ZNF521: variants seen among roughly 807,000 people sequenced by gnomAD.
The protein encoded by ZNF521 is LYST-interacting protein 3.
Under a neutral mutation model 105.5 loss-of-function variants are expected in ZNF521, and 14 were observed. The ratio of observed to expected loss-of-function variants is 0.13; its 90% confidence interval spans 0.09 to 0.21. ZNF521 has a LOEUF of 0.21. Ranked by LOEUF, ZNF521 falls within the 10% of genes least tolerant of loss-of-function variation. ZNF521 has a pLI of 1.00. For missense variants in ZNF521, 1,233 were observed against 1,629.7 expected (o/e 0.76, Z 4.19); for synonymous variants, 635 against 606.0 (o/e 1.05, Z -0.70).
intron 3 of ZNF521, among the ~76,000 whole-genome samples, chr18:25,233,201 T>G (rs1025321318): frequency 8.5e-5 from 13 of 152,150 alleles, no homozygotes; most frequent in Non-Finnish European, 1.3e-4. Flanking sequence ...TTTAAAGCAA[T>G]GATTTAAATT....
chr18:25,228,996 T>C (rs573960240), intron 3 of ZNF521, among the ~76,000 whole-genome samples: 3 of 152,298 alleles, frequency 2.0e-5, no homozygotes, highest in Admixed American at 2.0e-4. Context: ...GTGGGGATAG[T>C]GTTTCAGTTA....
chr18:25,220,015 G>C (rs868388504), intron 4 of ZNF521, among the ~76,000 whole-genome samples: 7 of 152,130 alleles, frequency 4.6e-5, no homozygotes, highest in Non-Finnish European at 8.8e-5. Context: ...TTTGGAGAGC[G>C]GTCAGTAAAA....
At chr18:25,135,745 G>C (rs1462527939) in intron 5 of ZNF521, among the ~76,000 whole-genome samples, 1 of 152,148 alleles carries the variant, frequency 6.6e-6, no homozygotes, top group Non-Finnish European at 1.5e-5. Context: ...CAGGAAAGGT[G>C]TAGGGAAATT....
chr18:25,176,841 G>A (rs2035543042), intron 5 of ZNF521, among the ~76,000 whole-genome samples: 1 of 152,216 alleles, frequency 6.6e-6, no homozygotes, highest in Non-Finnish European at 1.5e-5. Flanking sequence ...ACTCACACAT[G>A]CTCACCAGCA....
chr18:25,278,995 C>T (rs1277796723), intron 3 of ZNF521, among the ~76,000 whole-genome samples: 1 of 152,092 alleles, frequency 6.6e-6, no homozygotes, highest in East Asian at 1.9e-4. Context: ...TGTGGAGAAA[C>T]TGGTGGGGGA....
intron 3 of ZNF521, among the ~76,000 whole-genome samples, chr18:25,306,071 C>T (rs1240473467): frequency 6.6e-6 from 1 of 152,168 alleles, no homozygotes; most frequent in Admixed American, 6.5e-5. Flanking sequence ...CAGCCATTTG[C>T]CAGAACCCAC....
chr18:25,122,013 A>T (rs56077575), intron 5 of ZNF521, among the ~76,000 whole-genome samples: 39,862 of 152,140 alleles, frequency 0.26, 6,356 homozygotes, highest in Non-Finnish European at 0.35. Context: ...CAGAAATGAC[A>T]CATGATAAAA....
chr18:25,313,671 A>C (rs1912447035), intron 3 of ZNF521, among the ~76,000 whole-genome samples: 1 of 152,194 alleles, frequency 6.6e-6, no homozygotes. Flanking sequence ...ATAACATAAA[A>C]TTATTTTTAA....
At chr18:25,112,869 T>C (rs1371701244) in intron 5 of ZNF521, among the ~76,000 whole-genome samples, 8 of 152,150 alleles carry the variant, frequency 5.3e-5, no homozygotes, top group Non-Finnish European at 1.2e-4. Flanking sequence ...TAAGTCTGCA[T>C]GCCGTAGATT....
chr18:25,190,129 A>G (rs1391969742), intron 5 of ZNF521, among the ~76,000 whole-genome samples: 3 of 152,162 alleles, frequency 2.0e-5, no homozygotes, highest in African/African-American at 4.8e-5. Context: ...TGTTACCATT[A>G]AACTGCCCAG....
intron 5 of ZNF521, among the ~76,000 whole-genome samples, chr18:25,099,400 A>G (rs1331739503): frequency 2.0e-5 from 3 of 152,334 alleles, no homozygotes; most frequent in Admixed American, 1.3e-4. Flanking sequence ...TCCCAAAATA[A>G]GATGAAAATA....
chr18:25,283,931 C>A (rs571560104), intron 3 of ZNF521, among the ~76,000 whole-genome samples: 34 of 142,854 alleles, frequency 2.4e-4, no homozygotes, highest in South Asian at 5.0e-4. Flanking sequence ...TTCCCCCCCC[C>A]CCAAAAAAAT....
intron 5 of ZNF521, among the ~76,000 whole-genome samples, chr18:25,116,988 C>A: frequency 7.0e-6 from 1 of 142,400 alleles, no homozygotes; most frequent in East Asian, 2.0e-4. Context: ...TATATATACA[C>A]ACACACATAT....
chr18:25,325,646 G>A (rs1032428990), intron 2 of ZNF521, among the ~76,000 whole-genome samples: 4 of 152,004 alleles, frequency 2.6e-5, no homozygotes, highest in South Asian at 2.1e-4. Context: ...ATGATGCTGC[G>A]CAAACATGTT....
intron 3 of ZNF521, among the ~76,000 whole-genome samples, chr18:25,280,901 G>C (rs1469154284): frequency 6.6e-6 from 1 of 151,916 alleles, no homozygotes; most frequent in Non-Finnish European, 1.5e-5. Context: ...TAAATACAAG[G>C]GCTCATGACA....
intron 5 of ZNF521, among the ~76,000 whole-genome samples, chr18:25,137,558 C>T (rs1370684206): frequency 6.6e-6 from 1 of 151,936 alleles, no homozygotes; most frequent in Non-Finnish European, 1.5e-5. Flanking sequence ...CCATGGAGTC[C>T]AGTGCAGCTG....
At chr18:25,096,437 A>T (rs1320152177) in intron 5 of ZNF521, among the ~76,000 whole-genome samples, 1 of 152,220 alleles carries the variant, frequency 6.6e-6, no homozygotes, top group Non-Finnish European at 1.5e-5. Flanking sequence ...TGGATGCTCA[A>T]GCACAGGTTT....
At chr18:25,238,388 C>A (rs990422244) in intron 3 of ZNF521, among the ~76,000 whole-genome samples, 2 of 152,162 alleles carry the variant, frequency 1.3e-5, no homozygotes, top group African/African-American at 4.8e-5. Context: ...TCATGACAGC[C>A]AATTTCTTAA....
At chr18:25,089,027 A>G (rs1057249243) in intron 7 of ZNF521, among the ~76,000 whole-genome samples, 5 of 152,234 alleles carry the variant, frequency 3.3e-5, no homozygotes, top group Non-Finnish European at 7.3e-5. Flanking sequence ...CATACTGGAC[A>G]AGAGTACGAT....
Sources: allele counts gnomAD v4.1 joint callset (sites outside exome capture counted in the v4.1 genomes callset), GRCh38; gene constraint gnomAD v4.1.1; transcripts MANE v1.5; gene names NCBI Gene and HGNC (gene_info 2026-07-23, HGNC 2026-07-21).